The following CHN2 variants were observed in gnomAD, a reference collection of about 807,000 sequenced individuals.
CHN2 encodes beta-chimaerin.
CHN2 carries 35 observed loss-of-function variants against 56.3 expected under a neutral mutation model. The ratio of observed to expected loss-of-function variants is 0.62; its 90% CI spans 0.47 to 0.82. The LOEUF (loss-of-function observed/expected upper bound fraction) is 0.82. Ranked by LOEUF, CHN2 falls within the 40% of genes least tolerant of loss-of-function variation. CHN2 has a pLI of 0.00. For missense variants in CHN2, 491 were observed against 580.5 expected (o/e 0.85, Z 1.58); for synonymous variants, 210 against 212.8 (o/e 0.99, Z 0.12).
intron 1 of CHN2, among the ~76,000 whole-genome samples, chr7:29,291,291 T>G (rs868523848): frequency 1.3e-5 from 2 of 152,210 alleles, no homozygotes; most frequent in Middle Eastern, 6.8e-3. Context: ...GAGCCAGCCG[T>G]TCCCTGGCAC....
At chr7:29,201,440 A>G (rs1026409614) in intron 1 of CHN2, among the ~76,000 whole-genome samples, 1 of 151,784 alleles carries the variant, frequency 6.6e-6, no homozygotes, top group Non-Finnish European at 1.5e-5. Context: ...CTCTGGCCTC[A>G]TAGAGGCTGC....
intron 6 of CHN2, among the ~76,000 whole-genome samples, chr7:29,472,038 G>A (rs947562154): frequency 6.6e-6 from 1 of 152,130 alleles, no homozygotes; most frequent in Admixed American, 6.6e-5. Context: ...CAGTATGCAA[G>A]AGGGTTCAAA....
intron 2 of CHN2, among the ~76,000 whole-genome samples, chr7:29,172,866 G>A (rs1472038063): frequency 6.6e-6 from 1 of 152,018 alleles, no homozygotes; most frequent in Admixed American, 6.6e-5. Flanking sequence ...ATAAGGCCGA[G>A]TGTGGTAGCT....
intron 6 of CHN2, among the ~76,000 whole-genome samples, chr7:29,408,773 A>G (rs1802897751): frequency 1.3e-5 from 2 of 152,206 alleles, no homozygotes; most frequent in Non-Finnish European, 2.9e-5. Flanking sequence ...CAGTTCCTCA[A>G]TATCGGTGTT....
chr7:29,326,167 G>GTT (rs201713415), intron 1 of CHN2, among the ~76,000 whole-genome samples: 1 of 150,106 alleles, frequency 6.7e-6, no homozygotes, highest in African/African-American at 2.4e-5. Context: ...TTTTGTTGTT[G>GTT]TTTTTTTTTG....
chr7:29,512,503 A>G (rs1236729620), intron 12 of CHN2, 61 bp from the exon 13 acceptor site: 4 of 1,430,448 alleles, frequency 2.8e-6, no homozygotes, highest in Non-Finnish European at 3.8e-6. Flanking sequence ...ATACATAATC[A>G]ATACATAAAA....
chr7:29,347,631 C>T (rs992088185), intron 1 of CHN2, among the ~76,000 whole-genome samples: 7 of 152,142 alleles, frequency 4.6e-5, no homozygotes, highest in East Asian at 1.9e-4. Context: ...CACCTCCTAC[C>T]GGGGTCCCTC....
At chr7:29,474,176 CATT>C (rs1786396217) in intron 6 of CHN2, among the ~76,000 whole-genome samples, 2 of 152,188 alleles carry the variant, frequency 1.3e-5, no homozygotes, top group Non-Finnish European at 2.9e-5. Context: ...TCTCACCTAA[CATT>C]ATACCAGAGG....
intron 1 of CHN2, among the ~76,000 whole-genome samples, chr7:29,230,427 G>A (rs959012019): frequency 6.6e-6 from 1 of 152,096 alleles, no homozygotes; most frequent in African/African-American, 2.4e-5. Context: ...TGCAGCCTGT[G>A]CCTCCCGGGC....
intron 2 of CHN2, among the ~76,000 whole-genome samples, chr7:29,181,783 C>A (rs1798086908): frequency 6.6e-6 from 1 of 152,098 alleles, no homozygotes; most frequent in Non-Finnish European, 1.5e-5. Flanking sequence ...TCCTAACAAA[C>A]TTTTTTTCCA....
chr7:29,192,899 G>C (rs1391123900), upstream of CHN2: 1 of 152,228 alleles, frequency 6.6e-6, no homozygotes, highest in East Asian at 1.9e-4. Context: ...TAGATTACTA[G>C]TCAAACAAGT....
intron 1 of CHN2, among the ~76,000 whole-genome samples, chr7:29,332,432 A>C (rs904135155): frequency 3.9e-5 from 6 of 152,168 alleles, no homozygotes; most frequent in African/African-American, 1.4e-4. Context: ...TTACTCTATG[A>C]GGATGCAAAA....
At chr7:29,229,919 G>A (rs751157411) in intron 1 of CHN2, among the ~76,000 whole-genome samples, 6 of 152,140 alleles carry the variant, frequency 3.9e-5, no homozygotes, top group African/African-American at 7.2e-5. Flanking sequence ...CAAGGCTGCA[G>A]TGAGCTGAGA....
rs113934264 is a variant in CHN2 at position 29,161,946 on chromosome 7, G to A, written c.274+14986G>A. 5.7e-3 allele frequency among the ~76,000 whole-genome samples: 874 copies of A among 152,136 alleles called. 8 individuals carry two copies. The highest frequency in any genetic ancestry group is 0.02 in the African/African-American group (829 of 41,510). On this transcript the variant is annotated intron_variant, in intron 2 of 6. Coordinates refer to the CHN2 transcript ENST00000439384. ...ATACTCAGCATCACTAGCTATCAGGGGAATGTAAGTTAAAATCACCAAGAC... is the reference window on the plus strand; with the variant it reads ...ATACTCAGCATCACTAGCTATCAGGAGAATGTAAGTTAAAATCACCAAGAC...
intron 1 of CHN2, among the ~76,000 whole-genome samples, chr7:29,209,676 A>G (rs551908960): frequency 6.6e-6 from 1 of 152,332 alleles, no homozygotes; most frequent in South Asian, 2.1e-4. Context: ...GCAGGGAATA[A>G]TAGTAGATGA....
intron 1 of CHN2, 74 bp from the exon 2 acceptor site, chr7:29,354,551 C>A (rs1798137573): frequency 2.3e-6 from 3 of 1,332,174 alleles, no homozygotes; most frequent in Non-Finnish European, 3.2e-6. Context: ...GACTGTTGTT[C>A]CTCCAGAGAA....
At chr7:29,331,148 C>T (rs536502601) in intron 1 of CHN2, among the ~76,000 whole-genome samples, 2 of 152,340 alleles carry the variant, frequency 1.3e-5, no homozygotes, top group South Asian at 2.1e-4. Context: ...CAGGTCTTGT[C>T]TTAGCCTTTG....
chr7:29,292,901 G>A, intron 1 of CHN2: 1 of 456,264 alleles, frequency 2.2e-6, no homozygotes, highest in Non-Finnish European at 4.4e-6. Flanking sequence ...TTAACTGGCT[G>A]TTTCCACTCT....
At chr7:29,172,047 A>T (rs540352901) in intron 2 of CHN2, among the ~76,000 whole-genome samples, 3 of 152,314 alleles carry the variant, frequency 2.0e-5, no homozygotes, top group Non-Finnish European at 4.4e-5. Flanking sequence ...ACAGCCCCCT[A>T]GTCAGCCAGA....
Sources: gnomAD v4.1 joint callset for allele counts (sites outside exome capture counted in the v4.1 genomes callset) on GRCh38, gnomAD v4.1.1 for gene constraint, MANE v1.5 for transcripts, NCBI Gene and HGNC (gene_info 2026-07-23, HGNC 2026-07-21) for gene names.